Variants in RPH3A observed in about 807,000 individuals in gnomAD.
RPH3A encodes the protein rabphilin-3A.
A neutral mutation model predicts 102.2 loss-of-function variants in RPH3A; 48 were observed. That is an observed-to-expected ratio of 0.47 (90% CI 0.37 to 0.60). RPH3A has a LOEUF of 0.60. RPH3A is among the 20% of genes least tolerant of loss of function. RPH3A has a pLI of 0.00. For missense variants in RPH3A, 781 were observed against 910.1 expected, an observed-to-expected ratio of 0.86 and a Z score of 1.83; for synonymous variants, 310 against 324.3, an observed-to-expected ratio of 0.96 and a Z score of 0.47.
At chr12:112,751,924 A>G (rs1322548885) in intron 1 of RPH3A, among the ~76,000 whole-genome samples, 1 of 152,208 alleles carries the variant, frequency 6.6e-6, no homozygotes, top group Non-Finnish European at 1.5e-5. Flanking sequence ...ATTGTCATGC[A>G]AAGATGCTCT....
rs1177485723 is a variant in RPH3A, at chr12:112,890,064, C to T, written c.1604C>T (p.Ala535Val). The change falls in exon 18 of 22, where the codon GCC becomes GTC. Residue 535 changes from alanine to valine, a missense_variant. Around this residue, in one of 2 missense-constraint regions of RPH3A, gnomAD observed 730 missense variants for 810.0 expected, o/e 0.90. Coordinates refer to ENST00000389385, the MANE Select transcript of RPH3A (RefSeq NM_001143854.2). ...AGTTGSARGM[A>V]LYEEEQVERV... ...ACCACCGGGTCAGCCCGAGGCATGG[C>T]CCTTTATGAGGAAGAGGTGAGCACT... The T allele has an allele frequency of 6.2e-7, 1 of 1,613,638 alleles. No individual in the cohort carries two copies. The highest frequency in any genetic ancestry group is 1.7e-5 in the Admixed American group (1 of 60,024).
At chr12:112,741,483 G>A (rs1347342362) in intron 1 of RPH3A, among the ~76,000 whole-genome samples, 2 of 152,166 alleles carry the variant, frequency 1.3e-5, no homozygotes, top group East Asian at 3.8e-4. Context: ...ACATAGAGCT[G>A]TCTTTGTTTA....
intron 2 of RPH3A, among the ~76,000 whole-genome samples, chr12:112,820,504 G>T (rs1347253614): frequency 2.6e-5 from 4 of 152,152 alleles, no homozygotes; most frequent in East Asian, 1.9e-4. Flanking sequence ...CTAAGCCTCG[G>T]TATCTCCATC....
rs76100546 is a variant in RPH3A, at chr12:112,847,854, C to T, written c.230+12C>T. On this transcript the variant is annotated intron_variant, in intron 5 of 21. Transcript: ENST00000389385. Reference sequence around the variant, plus strand: ...CAGGAGCGAATCGGGTGAGGCTTAACGCTTCCCATTCACCCCAGAGCTGCT... The same window carrying T: ...CAGGAGCGAATCGGGTGAGGCTTAATGCTTCCCATTCACCCCAGAGCTGCT... 6.0e-3 allele frequency: 9,689 copies of T among 1,613,112 alleles called. 47 individuals carry two copies. Among genetic ancestry groups the T allele is most frequent in the Non-Finnish European group, 7.4e-3 (8,733 of 1,179,516 alleles).
chr12:112,847,762 G>A lies in RPH3A; in HGVS notation c.150G>A (p.Leu50=). Reference sequence around the variant, plus strand: ...ACAGGCAGAGGAAGCAGGAAGAGCTGACTGATGAGGAGAAAGAAATCATCA... The same window carrying A: ...ACAGGCAGAGGAAGCAGGAAGAGCTAACTGATGAGGAGAAAGAAATCATCA... The part of the protein sequence containing the change: ...QPDRQRKQEE[L]TDEEKEIINR... Residue 50 remains leucine (L), a synonymous_variant, in exon 5 of 22, where the codon CTG becomes CTA. Transcript: ENST00000389385. 6.2e-7 allele frequency: 1 copy of A among 1,614,242 alleles called. No individual in the cohort carries two copies. The highest frequency in any genetic ancestry group is 8.5e-7 in the Non-Finnish European group (1 of 1,180,030).
intron 1 of RPH3A, chr12:112,651,755 T>C (rs1271280566): frequency 6.6e-6 from 1 of 152,226 alleles, no homozygotes; most frequent in African/African-American, 2.4e-5. Context: ...ATCTCCATTC[T>C]CTTCTCCCTA....
chr12:112,676,236 T>C (rs1184284573), intron 1 of RPH3A, among the ~76,000 whole-genome samples: 1 of 151,124 alleles, frequency 6.6e-6, no homozygotes, highest in African/African-American at 2.4e-5. Context: ...CCTCTGAGGG[T>C]AGACAGGGGT....
intron 5 of RPH3A, among the ~76,000 whole-genome samples, chr12:112,851,894 C>G (rs1291570645): frequency 6.6e-6 from 1 of 152,220 alleles, no homozygotes; most frequent in East Asian, 1.9e-4. Context: ...ACTTTGCTCA[C>G]AAGAAAGGAA....
At chr12:112,650,209 T>A (rs1425598296) in intron 1 of RPH3A, among the ~76,000 whole-genome samples, 1 of 152,232 alleles carries the variant, frequency 6.6e-6, no homozygotes, top group African/African-American at 2.4e-5. Flanking sequence ...CATTCTACAT[T>A]ACCTCATCTC....
At chr12:112,674,474 C>T (rs910815072) in intron 1 of RPH3A, among the ~76,000 whole-genome samples, 6 of 152,158 alleles carry the variant, frequency 3.9e-5, no homozygotes, top group East Asian at 1.9e-4. Context: ...ACATGGCACA[C>T]ATAGGTATCT....
intron 1 of RPH3A, among the ~76,000 whole-genome samples, chr12:112,576,290 A>G (rs1592889230): frequency 6.6e-6 from 1 of 152,322 alleles, no homozygotes; most frequent in East Asian, 1.9e-4. Context: ...GCTGCCAGGC[A>G]GGATTGCAGA....
chr12:112,624,256 T>G (rs1354449911), intron 1 of RPH3A, among the ~76,000 whole-genome samples: 1 of 149,792 alleles, frequency 6.7e-6, no homozygotes, highest in Non-Finnish European at 1.5e-5. Flanking sequence ...CTTCAAAAAA[T>G]CAATGAATCC....
At chr12:112,854,422 A>G (rs1488327513) in intron 5 of RPH3A, among the ~76,000 whole-genome samples, 1 of 152,248 alleles carries the variant, frequency 6.6e-6, no homozygotes, top group African/African-American at 2.4e-5. Context: ...CTTTATGTAG[A>G]TTCATTTATG....
intron 1 of RPH3A, among the ~76,000 whole-genome samples, chr12:112,751,187 C>A (rs1170007202): frequency 6.6e-6 from 1 of 152,206 alleles, no homozygotes; most frequent in African/African-American, 2.4e-5. Context: ...ACATGATTCA[C>A]ACACACATGC....
intron 1 of RPH3A, among the ~76,000 whole-genome samples, chr12:112,735,204 G>A (rs4766651): frequency 0.18 from 26,893 of 152,168 alleles, 2,547 homozygotes; most frequent in Admixed American, 0.22. Context: ...GCTTAGTATC[G>A]ATTATCCTGG....
chr12:112,707,399 T>C (rs1041929257), intron 1 of RPH3A, among the ~76,000 whole-genome samples: 1 of 152,206 alleles, frequency 6.6e-6, no homozygotes. Context: ...ACCCCTTTAG[T>C]TAGGTAGTTT....
chr12:112,848,045 G>A (rs908357670), intron 5 of RPH3A, among the ~76,000 whole-genome samples: 2 of 152,190 alleles, frequency 1.3e-5, no homozygotes, highest in African/African-American at 4.8e-5. Flanking sequence ...GGAGAGCTAG[G>A]AGAAGAGAAA....
intron 1 of RPH3A, among the ~76,000 whole-genome samples, chr12:112,589,393 C>A (rs1404123956): frequency 6.6e-6 from 1 of 152,172 alleles, no homozygotes; most frequent in Non-Finnish European, 1.5e-5. Flanking sequence ...ATAAAAACAA[C>A]CCTTACTCTC....
intron 10 of RPH3A, among the ~76,000 whole-genome samples, chr12:112,871,920 T>C (rs1253149839): frequency 6.6e-6 from 1 of 151,288 alleles, no homozygotes. Flanking sequence ...ATATATATTA[T>C]ATATACTACA....
Sources: gnomAD v4.1 joint callset for allele counts (sites outside exome capture counted in the v4.1 genomes callset) on GRCh38, gnomAD v4.1.1 for gene constraint, gnomAD v4.1.1 regional missense constraint, MANE v1.5 for transcripts, NCBI Gene and HGNC (gene_info 2026-07-23, HGNC 2026-07-21) for gene names.